Variants in KCNMA1 observed in about 807,000 individuals in gnomAD.
KCNMA1 encodes Calcium-activated potassium channel subunit alpha-1.
Under a neutral mutation model 140.0 loss-of-function variants are expected in KCNMA1, and 29 were observed. The observed-to-expected ratio is 0.21, with a 90% CI of 0.15 to 0.28. The LOEUF (loss-of-function observed/expected upper bound fraction) is 0.28, where lower values mean the gene tolerates loss of function less well. Ranked by LOEUF, KCNMA1 falls within the 10% of genes least tolerant of loss-of-function variation. The pLI, the probability that KCNMA1 is intolerant of heterozygous loss-of-function variation, is 1.00. For missense variants in KCNMA1, 880 were observed against 1,602.2 expected (o/e 0.55, Z 7.70); for synonymous variants, 612 against 611.9 (o/e 1.00, Z 0.00).
chr10:77,033,928 T>C (rs2094135372), intron 15 of KCNMA1, among the ~76,000 whole-genome samples: 1 of 152,118 alleles, frequency 6.6e-6, no homozygotes. Flanking sequence ...GCCAGTTCTG[T>C]GAGGGGAAAA....
chr10:77,331,500 T>G (rs939203276), intron 2 of KCNMA1, among the ~76,000 whole-genome samples: 15 of 152,118 alleles, frequency 9.9e-5, no homozygotes, highest in Non-Finnish European at 1.9e-4. Context: ...CAAATACCAC[T>G]TAAGTCCTCA....
chr10:77,150,346 G>A (rs1021967768), intron 5 of KCNMA1, among the ~76,000 whole-genome samples: 3 of 152,132 alleles, frequency 2.0e-5, no homozygotes, highest in Non-Finnish European at 4.4e-5. Context: ...GACAACATGA[G>A]GGGCCAACAG....
chr10:76,940,097 T>C (rs879722066), intron 23 of KCNMA1, among the ~76,000 whole-genome samples: 2 of 152,220 alleles, frequency 1.3e-5, no homozygotes. Flanking sequence ...CTTTATATAA[T>C]TGTCACTGCA....
Position 77,519,096 on chromosome 10 carries a change from CTT to C in KCNMA1, c.379-115075_379-115074del, listed in dbSNP as rs1159677960. ...CTCACTTGTCCCAGGCCTTTATGAC[CTT>C]TCCATTCAAGCCACACACCACGTCT... On this transcript the variant is annotated intron_variant, in intron 1 of 27. Coordinates refer to ENST00000286628, the MANE Select transcript of KCNMA1 (RefSeq NM_001161352.2). 2.0e-5 allele frequency among the ~76,000 whole-genome samples: 3 copies of C among 152,234 alleles called. No homozygotes were observed. The East Asian group carries it at 5.8e-4, about 29-fold the overall frequency.
At chr10:76,897,317 C>G (rs2043009489) in intron 25 of KCNMA1, among the ~76,000 whole-genome samples, 1 of 150,908 alleles carries the variant, frequency 6.6e-6, no homozygotes, top group Admixed American at 6.6e-5. Context: ...TTAATGTGGC[C>G]AACTCCTAGA....
chr10:77,019,557 A>T (rs537320844), intron 16 of KCNMA1: 1 of 188,130 alleles, frequency 5.3e-6, no homozygotes, highest in South Asian at 1.1e-4. Flanking sequence ...CATAAACATC[A>T]TGTACACACA....
chr10:77,428,957 A>G (rs2097088515), intron 1 of KCNMA1, among the ~76,000 whole-genome samples: 1 of 152,162 alleles, frequency 6.6e-6, no homozygotes, highest in Admixed American at 6.5e-5. Flanking sequence ...TAGGGGTGGA[A>G]ACAAGACCCA....
At chr10:77,181,604 G>T (rs1338754881) in intron 5 of KCNMA1, among the ~76,000 whole-genome samples, 6 of 152,242 alleles carry the variant, frequency 3.9e-5, no homozygotes, top group South Asian at 4.2e-4. Flanking sequence ...GAGCTCCCAG[G>T]TCACAAAGCC....
intron 2 of KCNMA1, among the ~76,000 whole-genome samples, chr10:77,351,848 G>T (rs2092923696): frequency 6.6e-6 from 1 of 152,178 alleles, no homozygotes. Context: ...AGCTTTAAAA[G>T]CAACCCTGTT....
intron 24 of KCNMA1, 99 bp from the exon 25 acceptor site, chr10:76,910,195 TGA>T: frequency 7.3e-7 from 1 of 1,372,052 alleles, no homozygotes; most frequent in Non-Finnish European, 1.0e-6. Context: ...CTGAAGTCAT[TGA>T]GAAGGAAACA....
At chr10:77,184,988 G>C in intron 3 of KCNMA1, 72 bp from the exon 4 acceptor site, 1 of 892,354 alleles carries the variant, frequency 1.1e-6, no homozygotes, top group Non-Finnish European at 1.9e-6. Flanking sequence ...ACGATGCTGA[G>C]AAGTGGTAGT....
chr10:77,115,629 G>A (rs1284140171), intron 6 of KCNMA1, among the ~76,000 whole-genome samples: 2 of 152,174 alleles, frequency 1.3e-5, no homozygotes, highest in African/African-American at 4.8e-5. Context: ...AACCTATTTA[G>A]AGTCTGAGTC....
chr10:77,202,956 T>C (rs1159799698), intron 3 of KCNMA1, among the ~76,000 whole-genome samples: 1 of 152,160 alleles, frequency 6.6e-6, no homozygotes, highest in Non-Finnish European at 1.5e-5. Flanking sequence ...GTGCAAAGAA[T>C]AAAATCTCCT....
chr10:77,172,707 A>G (rs957919047), intron 5 of KCNMA1, among the ~76,000 whole-genome samples: 2 of 152,106 alleles, frequency 1.3e-5, no homozygotes, highest in East Asian at 3.9e-4. Flanking sequence ...AAAAACAAAA[A>G]AAAAAAAGCT....
At chr10:77,085,844 A>G (rs560374359) in intron 11 of KCNMA1, among the ~76,000 whole-genome samples, 1 of 152,292 alleles carries the variant, frequency 6.6e-6, no homozygotes, top group South Asian at 2.1e-4. Context: ...CAAAATCTAT[A>G]TTACATAGGT....
At chr10:76,968,996 A>G (rs543798397) in intron 20 of KCNMA1, among the ~76,000 whole-genome samples, 1 of 152,348 alleles carries the variant, frequency 6.6e-6, no homozygotes, top group South Asian at 2.1e-4. Flanking sequence ...TCAAGATGGC[A>G]GGCATTTCCA....
chr10:77,545,111 T>C (rs962722335), intron 1 of KCNMA1, among the ~76,000 whole-genome samples: 11 of 152,238 alleles, frequency 7.2e-5, no homozygotes, highest in African/African-American at 2.7e-4. Flanking sequence ...CTTAACTATA[T>C]GCTATCATTT....
chr10:77,511,278 C>G (rs2048296536), intron 1 of KCNMA1, among the ~76,000 whole-genome samples: 1 of 152,198 alleles, frequency 6.6e-6, no homozygotes, highest in South Asian at 2.1e-4. Context: ...CTGATGCAGA[C>G]AGTCAAAAAC....
At chr10:77,165,652 A>C (rs755588945) in intron 5 of KCNMA1, among the ~76,000 whole-genome samples, 6 of 152,184 alleles carry the variant, frequency 3.9e-5, no homozygotes, top group Non-Finnish European at 7.3e-5. Flanking sequence ...CTGCAAGTCC[A>C]ATTAGAATGG....
Sources: gnomAD v4.1 joint callset for allele counts (sites outside exome capture counted in the v4.1 genomes callset) on GRCh38, gnomAD v4.1.1 for gene constraint, MANE v1.5 for transcripts, NCBI Gene and HGNC (gene_info 2026-07-23, HGNC 2026-07-21) for gene names.